The following ABTB3 variants were observed in gnomAD, a reference collection of about 807,000 sequenced individuals.
The protein encoded by ABTB3 is ankyrin repeat and BTB domain containing 3, also known as ankyrin repeat- and BTB/POZ domain-containing protein 3.
At chr12:107,319,666 G>C in the ABTB3 span, 1 of 1,536,822 alleles carries the variant, frequency 6.5e-7, no homozygotes, top group East Asian at 2.4e-5. Context: ...CCTGCATGGA[G>C]AGCCTCTTCC....
At chr12:107,561,151 C>T in the ABTB3 span, among the ~76,000 whole-genome samples, 1 of 152,144 alleles carries the variant, frequency 6.6e-6, no homozygotes, top group Non-Finnish European at 1.5e-5. Context: ...TCCTTTGTCC[C>T]GTTGCTCTGT....
the ABTB3 span, among the ~76,000 whole-genome samples, chr12:107,397,634 A>G: frequency 3.9e-5 from 6 of 152,022 alleles, no homozygotes; most frequent in Non-Finnish European, 8.8e-5. Context: ...GGTCAAATTG[A>G]TCTTTTCTTT....
At chr12:107,646,059 C>T in the ABTB3 span, among the ~76,000 whole-genome samples, 1 of 152,256 alleles carries the variant, frequency 6.6e-6, no homozygotes, top group Admixed American at 6.5e-5. Context: ...GGTCTCCTCC[C>T]CCAAGTCTGT....
At chr12:107,454,321 G>A in the ABTB3 span, among the ~76,000 whole-genome samples, 1 of 152,230 alleles carries the variant, frequency 6.6e-6, no homozygotes, top group Non-Finnish European at 1.5e-5. Flanking sequence ...AAATCATTAA[G>A]GAATGTAAGG....
At chr12:107,603,527 G>C in the ABTB3 span, among the ~76,000 whole-genome samples, 2 of 152,288 alleles carry the variant, frequency 1.3e-5, no homozygotes, top group Admixed American at 1.3e-4. Flanking sequence ...ACATGCAGAA[G>C]AATGAAATTA....
At chr12:107,357,258 A>G in the ABTB3 span, among the ~76,000 whole-genome samples, 1 of 152,142 alleles carries the variant, frequency 6.6e-6, no homozygotes, top group Non-Finnish European at 1.5e-5. Flanking sequence ...ACCTCCACCA[A>G]CTGCTCCGTT....
chr12:107,375,233 A>G, the ABTB3 span, among the ~76,000 whole-genome samples: 2 of 152,138 alleles, frequency 1.3e-5, no homozygotes, highest in African/African-American at 4.8e-5. Context: ...CCTGGGCAAC[A>G]TGGCGAGACC....
the ABTB3 span, among the ~76,000 whole-genome samples, chr12:107,434,881 A>C: frequency 6.6e-6 from 1 of 151,346 alleles, no homozygotes; most frequent in Non-Finnish European, 1.5e-5. Flanking sequence ...AAAAAAAAAA[A>C]CAACAACAAC....
At chr12:107,524,138 T>C in the ABTB3 span, among the ~76,000 whole-genome samples, 1 of 152,358 alleles carries the variant, frequency 6.6e-6, no homozygotes, top group East Asian at 1.9e-4. Flanking sequence ...GCTGTCCTCA[T>C]TGAATGTTGA....
the ABTB3 span, among the ~76,000 whole-genome samples, chr12:107,524,143 T>C: frequency 1.2e-3 from 182 of 152,376 alleles, no homozygotes; most frequent in African/African-American, 4.1e-3. Context: ...CCTCATTGAA[T>C]GTTGACTTTT....
chr12:107,571,822 A>G, the ABTB3 span, among the ~76,000 whole-genome samples: 2 of 152,252 alleles, frequency 1.3e-5, no homozygotes, highest in Admixed American at 1.3e-4. Flanking sequence ...AGAGAGGCAC[A>G]GGCTGGCTGG....
chr12:107,347,857 A>C, the ABTB3 span, among the ~76,000 whole-genome samples: 1 of 152,134 alleles, frequency 6.6e-6, no homozygotes, highest in Admixed American at 6.5e-5. Flanking sequence ...GTTGGCCACA[A>C]AGGACATCCA....
At chr12:107,438,845 T>TG in the ABTB3 span, among the ~76,000 whole-genome samples, 9 of 152,318 alleles carry the variant, frequency 5.9e-5, no homozygotes, top group African/African-American at 1.4e-4. Context: ...GCTTGTCTCT[T>TG]GGGGGGAAGT....
chr12:107,580,986 C>G, the ABTB3 span: 4 of 1,551,948 alleles, frequency 2.6e-6, no homozygotes, highest in Non-Finnish European at 3.5e-6. Context: ...CAAAGGCTCT[C>G]CCACTACTCT....
chr12:107,441,676 A>G, the ABTB3 span, among the ~76,000 whole-genome samples: 2 of 151,626 alleles, frequency 1.3e-5, no homozygotes, highest in African/African-American at 2.4e-5. Flanking sequence ...AGTGGCTCAC[A>G]CCTAAAATCC....
the ABTB3 span, among the ~76,000 whole-genome samples, chr12:107,641,819 T>C: frequency 1.3e-5 from 2 of 152,160 alleles, no homozygotes; most frequent in African/African-American, 4.8e-5. Flanking sequence ...ATGGACAGGG[T>C]TTAACAGGCA....
At chr12:107,356,421 C>T in the ABTB3 span, among the ~76,000 whole-genome samples, 1 of 152,130 alleles carries the variant, frequency 6.6e-6, no homozygotes, top group Admixed American at 6.5e-5. Context: ...TGGCTGGGAG[C>T]TGGGGCCCAG....
chr12:107,340,958 A>T, the ABTB3 span, among the ~76,000 whole-genome samples: 1 of 152,168 alleles, frequency 6.6e-6, no homozygotes, highest in Non-Finnish European at 1.5e-5. Context: ...AATACAATGC[A>T]GTTGGTGCCC....
the ABTB3 span, among the ~76,000 whole-genome samples, chr12:107,435,510 A>G: frequency 6.6e-6 from 1 of 152,216 alleles, no homozygotes; most frequent in Non-Finnish European, 1.5e-5. Context: ...AGGTACTGTA[A>G]GGACAGAGGA....
Sources: gnomAD v4.1 joint callset for allele counts (sites outside exome capture counted in the v4.1 genomes callset) on GRCh38, gnomAD v4.1.1 for gene constraint, MANE v1.5 for transcripts, NCBI Gene and HGNC (gene_info 2026-07-23, HGNC 2026-07-21) for gene names.